DLG2: variants seen among roughly 807,000 people sequenced by gnomAD.
DLG2 encodes the protein discs large MAGUK scaffold protein 2, also known as disks large homolog 2.
Under a neutral mutation model 132.5 loss-of-function variants are expected in DLG2, and 45 were observed. The observed-to-expected ratio is 0.34, with a 90% CI of 0.27 to 0.44. The LOEUF (loss-of-function observed/expected upper bound fraction) is 0.44, where lower values mean the gene tolerates loss of function less well. Ranked by LOEUF, DLG2 falls within the 20% of genes least tolerant of loss-of-function variation. The pLI is 1.00. For missense variants in DLG2, 1,045 were observed against 1,196.9 expected (o/e 0.87, Z 1.87); for synonymous variants, 424 against 419.6 (o/e 1.01, Z -0.13).
intron 3 of DLG2, among the ~76,000 whole-genome samples, chr11:85,592,714 G>A (rs1406982342): frequency 6.6e-6 from 1 of 152,162 alleles, no homozygotes; most frequent in Non-Finnish European, 1.5e-5. Context: ...ACTTTGGAAT[G>A]CCAAGGTGGG....
chr11:84,564,022 C>T (rs2099439214), intron 6 of DLG2, among the ~76,000 whole-genome samples: 1 of 152,130 alleles, frequency 6.6e-6, no homozygotes, highest in African/African-American at 2.4e-5. Context: ...AAGGAGACAA[C>T]TCCAGTCTCA....
intron 7 of DLG2, among the ~76,000 whole-genome samples, chr11:84,468,519 A>T (rs2099100560): frequency 6.6e-6 from 1 of 151,496 alleles, no homozygotes. Context: ...GACTCCAAAT[A>T]CCACATTCTT....
At chr11:85,195,815 C>G (rs1306862982) in intron 4 of DLG2, among the ~76,000 whole-genome samples, 2 of 151,986 alleles carry the variant, frequency 1.3e-5, no homozygotes, top group Non-Finnish European at 2.9e-5. Context: ...CCTGAGCCAC[C>G]GCGCCCGGCC....
chr11:85,089,253 A>C (rs947720819), intron 6 of DLG2, among the ~76,000 whole-genome samples: 4 of 152,076 alleles, frequency 2.6e-5, no homozygotes, highest in Non-Finnish European at 5.9e-5. Context: ...GCAGTACTCA[A>C]TAGGTAGTTT....
At chr11:84,591,223 CTGTGTGTGTGTGTGTGTG>C (rs781411791) in intron 6 of DLG2, among the ~76,000 whole-genome samples, 1 of 139,220 alleles carries the variant, frequency 7.2e-6, no homozygotes, top group South Asian at 2.4e-4. Context: ...ATGTGTCTCT[CTGTGTGTGTGTGTGTGTG>C]TGTGTGTGTG....
At chr11:84,132,275 G>A (rs766336371) in intron 9 of DLG2, among the ~76,000 whole-genome samples, 7 of 151,950 alleles carry the variant, frequency 4.6e-5, no homozygotes, top group Non-Finnish European at 1.0e-4. Context: ...TACCACTGGG[G>A]CAAAGCAGAT....
chr11:83,531,854 C>G (rs2095754106), intron 21 of DLG2, among the ~76,000 whole-genome samples: 1 of 148,702 alleles, frequency 6.7e-6, no homozygotes, highest in Non-Finnish European at 1.5e-5. Context: ...ACAACACAAA[C>G]ACGTCTTGAA....
rs1327907278 is a variant in DLG2 at position 85,530,379 on chromosome 11, G to A, written c.40+68278C>T. ...TCTGTTGCCCAGGCTGGAGTGCAGTGGCATGATCTTGGCTCACTGCAACCT... is the reference window on the plus strand; with the variant it reads ...TCTGTTGCCCAGGCTGGAGTGCAGTAGCATGATCTTGGCTCACTGCAACCT... On this transcript the variant is annotated intron_variant, in intron 3 of 27. Coordinates refer to ENST00000376104, the MANE Select transcript of DLG2 (RefSeq NM_001142699.3). Among the ~76,000 whole-genome samples the A allele has an allele frequency of 2.7e-5, 4 of 150,356 alleles. No homozygotes were observed. In the East Asian group the frequency reaches 5.9e-4, roughly 22 times the overall value.
chr11:84,784,896 A>G (rs899546153), intron 6 of DLG2, among the ~76,000 whole-genome samples: 1 of 152,128 alleles, frequency 6.6e-6, no homozygotes, highest in Non-Finnish European at 1.5e-5. Context: ...CATGTTGACT[A>G]TAGTTAATAA....
At position 85,555,514 on chromosome 11, in the gene DLG2, T is replaced by C. The variant is rs958410907; in HGVS notation, c.40+43143A>G. 4.6e-5 allele frequency among the ~76,000 whole-genome samples: 7 copies of C among 151,932 alleles called. 1 individual carries two copies. Among genetic ancestry groups the C allele is most frequent in the Non-Finnish European group, 8.8e-5 (6 of 67,924 alleles). ...AAAGAAATCAGAAGGCCTTAGAAGC[T>C]GCCTAATTTTCTAAGCATCTCTTGT... On this transcript the variant is annotated intron_variant, in intron 3 of 27. Transcript: ENST00000376104.
intron 18 of DLG2, among the ~76,000 whole-genome samples, chr11:83,702,039 T>C (rs1288954494): frequency 6.6e-6 from 1 of 152,232 alleles, no homozygotes; most frequent in Non-Finnish European, 1.5e-5. Context: ...CTTTGTCAGC[T>C]GTATAAGATA....
At chr11:83,648,312 G>A (rs1348537783) in intron 18 of DLG2, among the ~76,000 whole-genome samples, 3 of 152,206 alleles carry the variant, frequency 2.0e-5, no homozygotes, top group Non-Finnish European at 2.9e-5. Flanking sequence ...GGAAGCATTG[G>A]GTAGACTAGA....
intron 6 of DLG2, among the ~76,000 whole-genome samples, chr11:84,892,427 G>C (rs368722563): frequency 5.9e-5 from 9 of 152,104 alleles, no homozygotes; most frequent in African/African-American, 2.2e-4. Context: ...GGCTTTATCT[G>C]TTTTATCTGC....
chr11:84,157,618 G>A (rs2095457171), intron 9 of DLG2, among the ~76,000 whole-genome samples: 1 of 152,092 alleles, frequency 6.6e-6, no homozygotes, highest in Admixed American at 6.5e-5. Context: ...TACATGGCTT[G>A]TTCCCTCTCA....
At chr11:85,185,953 C>A (rs2080064313) in intron 4 of DLG2, among the ~76,000 whole-genome samples, 1 of 151,998 alleles carries the variant, frequency 6.6e-6, no homozygotes, top group Admixed American at 6.6e-5. Context: ...AGGTCACATA[C>A]TAAGTTACAG....
intron 6 of DLG2, among the ~76,000 whole-genome samples, chr11:85,024,455 C>G (rs988688501): frequency 1.5e-4 from 23 of 152,148 alleles, no homozygotes; most frequent in African/African-American, 4.6e-4. Flanking sequence ...TGACTTTTTT[C>G]CTCAGAATTC....
At chr11:83,789,975 A>G in intron 17 of DLG2, 1 of 1,345,906 alleles carries the variant, frequency 7.4e-7, no homozygotes, top group Non-Finnish European at 9.6e-7. Context: ...GTCTTTCAGT[A>G]GTGCTTCTCC....
intron 7 of DLG2, among the ~76,000 whole-genome samples, chr11:84,270,822 A>G (rs1250729239): frequency 1.3e-5 from 2 of 152,184 alleles, no homozygotes; most frequent in East Asian, 1.9e-4. Context: ...TTCATTTTCA[A>G]GTATTTGATT....
chr11:84,915,510 G>A (rs780466419), intron 6 of DLG2, among the ~76,000 whole-genome samples: 1 of 152,088 alleles, frequency 6.6e-6, no homozygotes. Flanking sequence ...AGCAATTTCT[G>A]AACACACTTG....
Sources: gnomAD v4.1 joint callset for allele counts (sites outside exome capture counted in the v4.1 genomes callset) on GRCh38, gnomAD v4.1.1 for gene constraint, MANE v1.5 for transcripts, NCBI Gene and HGNC (gene_info 2026-07-23, HGNC 2026-07-21) for gene names.